SLC5A4: variants seen among roughly 807,000 people sequenced by gnomAD.
SLC5A4 encodes probable glucose sensor protein SLC5A4.
SLC5A4 carries 55 observed loss-of-function variants against 70.3 expected under a neutral mutation model. The ratio of observed to expected loss-of-function variants is 0.78; its 90% CI spans 0.63 to 0.98. The LOEUF (loss-of-function observed/expected upper bound fraction) is 0.98, where lower values mean the gene tolerates loss of function less well. Among genes scored for constraint, SLC5A4 ranks in the 50% least tolerant of loss-of-function variants. The pLI is 0.00. For synonymous variants in SLC5A4, 268 were observed against 305.7 expected (o/e 0.88, Z 1.29); for missense variants, 735 against 839.2 (o/e 0.88, Z 1.53).
chr22:32,327,466 A>T, the SLC5A4 span: 1 of 152,374 alleles, frequency 6.6e-6, no homozygotes, highest in Non-Finnish European at 1.5e-5. Flanking sequence ...CAATGACTCC[A>T]TTTTACAGTT....
At chr22:32,268,894 A>AT in the SLC5A4 span, among the ~76,000 whole-genome samples, 8 of 152,120 alleles carry the variant, frequency 5.3e-5, no homozygotes, top group East Asian at 1.9e-4. Context: ...TATTTAAAGT[A>AT]TTTTTTGCAT....
chr22:32,283,710 C>CT, the SLC5A4 span, among the ~76,000 whole-genome samples: 1 of 152,322 alleles, frequency 6.6e-6, no homozygotes, highest in African/African-American at 2.4e-5. Context: ...CTTGATTACT[C>CT]TGAGTATGCA....
the SLC5A4 span, among the ~76,000 whole-genome samples, chr22:32,267,100 C>G: frequency 6.6e-6 from 1 of 152,184 alleles, no homozygotes; most frequent in South Asian, 2.1e-4. Context: ...CAATCCTGAT[C>G]CCAAATCTTA....
At chr22:32,293,354 CTTCT>C in the SLC5A4 span, among the ~76,000 whole-genome samples, 1 of 151,800 alleles carries the variant, frequency 6.6e-6, no homozygotes, top group African/African-American at 2.4e-5. Context: ...GTTTTATATT[CTTCT>C]TTCTTCTCAA....
the SLC5A4 span, among the ~76,000 whole-genome samples, chr22:32,320,843 T>A: frequency 6.6e-6 from 1 of 152,202 alleles, no homozygotes; most frequent in Non-Finnish European, 1.5e-5. Context: ...GAAAGGTAAG[T>A]GAACACCCGC....
the SLC5A4 span, among the ~76,000 whole-genome samples, chr22:32,289,506 A>G: frequency 6.6e-4 from 100 of 152,310 alleles, no homozygotes; most frequent in African/African-American, 2.1e-3. Context: ...GTTTCATTTG[A>G]GACGGAGTTT....
chr22:32,254,261 C>G (rs562768227), intron 1 of SLC5A4, 48 bp from the exon 2 acceptor site: 1 of 1,372,164 alleles, frequency 7.3e-7, no homozygotes, highest in South Asian at 1.2e-5. Flanking sequence ...GCAAGTGCAC[C>G]CAGACACCCC....
chr22:32,220,030 G>C (rs955836831), intron 14 of SLC5A4, among the ~76,000 whole-genome samples: 1 of 81,846 alleles, frequency 1.2e-5, no homozygotes, highest in African/African-American at 6.8e-5. Flanking sequence ...ATTAAGATGT[G>C]CAACACACAC....
chr22:32,244,180 A>G (rs1034962889), intron 5 of SLC5A4, among the ~76,000 whole-genome samples: 2 of 152,208 alleles, frequency 1.3e-5, no homozygotes, highest in African/African-American at 2.4e-5. Context: ...CTGTAACTCT[A>G]TTGCACATTG....
the SLC5A4 span, among the ~76,000 whole-genome samples, chr22:32,323,669 G>T: frequency 6.6e-6 from 1 of 152,246 alleles, no homozygotes; most frequent in Non-Finnish European, 1.5e-5. Context: ...TTGGAGAGGA[G>T]GTCCAGGTGA....
At chr22:32,273,155 C>T in the SLC5A4 span, 1 of 413,910 alleles carries the variant, frequency 2.4e-6, no homozygotes, top group South Asian at 1.9e-5. Context: ...TACCTCCCAC[C>T]ACCTTTTTTG....
intron 5 of SLC5A4, among the ~76,000 whole-genome samples, chr22:32,241,302 C>T (rs1420415684): frequency 1.3e-5 from 2 of 152,206 alleles, no homozygotes; most frequent in South Asian, 2.1e-4. Flanking sequence ...TCAGAGTAGT[C>T]TGGGTCAAAC....
chr22:32,280,717 G>A, the SLC5A4 span, among the ~76,000 whole-genome samples: 1 of 152,172 alleles, frequency 6.6e-6, no homozygotes, highest in Non-Finnish European at 1.5e-5. Context: ...TCAAATGAAG[G>A]AACTTTCTAA....
the SLC5A4 span, among the ~76,000 whole-genome samples, chr22:32,310,757 A>G: frequency 0.028 from 4,209 of 152,260 alleles, 196 homozygotes; most frequent in African/African-American, 0.098. Context: ...TCATCCATAA[A>G]ATGGGGAGAG....
chr22:32,336,105 C>T, the SLC5A4 span, among the ~76,000 whole-genome samples: 8 of 152,210 alleles, frequency 5.3e-5, no homozygotes, highest in African/African-American at 1.9e-4. Context: ...CTTGCCCCAC[C>T]CTGCAGTGCC....
chr22:32,255,730 C>CAGAT (rs1346281896), upstream of SLC5A4, among the ~76,000 whole-genome samples: 2 of 152,190 alleles, frequency 1.3e-5, no homozygotes, highest in African/African-American at 4.8e-5. Context: ...CTTCAGAGAA[C>CAGAT]AGATACAGTT....
the SLC5A4 span, among the ~76,000 whole-genome samples, chr22:32,277,780 C>T: frequency 6.6e-6 from 1 of 152,178 alleles, no homozygotes. Context: ...GATCTCCTGA[C>T]CTCATCATCT....
the SLC5A4 span, among the ~76,000 whole-genome samples, chr22:32,288,041 G>C: frequency 5.3e-4 from 78 of 148,100 alleles, no homozygotes; most frequent in Non-Finnish European, 1.1e-3. Flanking sequence ...TTAGAGATGA[G>C]GTTTCACCAT....
the SLC5A4 span, among the ~76,000 whole-genome samples, chr22:32,352,954 C>A: frequency 1.3e-5 from 2 of 152,218 alleles, no homozygotes; most frequent in Non-Finnish European, 2.9e-5. Context: ...CAAGCTCCAG[C>A]CTCCAGCAGG....
Sources: gnomAD v4.1 joint callset for allele counts (sites outside exome capture counted in the v4.1 genomes callset) on GRCh38, gnomAD v4.1.1 for gene constraint, MANE v1.5 for transcripts, NCBI Gene and HGNC (gene_info 2026-07-23, HGNC 2026-07-21) for gene names.